Variants in LSAMP observed in about 807,000 individuals in gnomAD.
LSAMP encodes limbic system-associated membrane protein.
Under a neutral mutation model 38.6 loss-of-function variants are expected in LSAMP, and 7 were observed. The observed-to-expected ratio is 0.18, with a 90% confidence interval of 0.10 to 0.34. LSAMP has a LOEUF of 0.34. LSAMP is among the 10% of genes least tolerant of loss of function. LSAMP has a pLI of 1.00. For synonymous variants in LSAMP, 154 were observed against 166.8 expected, an observed-to-expected ratio of 0.92 and a Z score of 0.59; for missense variants, 313 against 420.0, an observed-to-expected ratio of 0.75 and a Z score of 2.23.
intron 1 of LSAMP, among the ~76,000 whole-genome samples, chr3:116,416,225 A>C (rs550400643): frequency 1.2e-4 from 19 of 152,290 alleles, no homozygotes; most frequent in African/African-American, 4.6e-4. Flanking sequence ...AGCCATACTT[A>C]ATTGCTCTCT....
intron 3 of LSAMP, among the ~76,000 whole-genome samples, chr3:115,960,417 T>C (rs1559897634): frequency 6.6e-6 from 1 of 152,294 alleles, no homozygotes; most frequent in East Asian, 1.9e-4. Flanking sequence ...TTAGTTTAAT[T>C]CAGAGAACAG....
chr3:116,012,258 G>C (rs1327101245), intron 3 of LSAMP, among the ~76,000 whole-genome samples: 2 of 152,104 alleles, frequency 1.3e-5, no homozygotes, highest in Non-Finnish European at 2.9e-5. Context: ...TGTAGTATTT[G>C]TTTATTTGCT....
chr3:116,047,479 A>G (rs987251003), intron 2 of LSAMP, among the ~76,000 whole-genome samples: 10 of 151,288 alleles, frequency 6.6e-5, no homozygotes, highest in Admixed American at 5.9e-4. Flanking sequence ...ATTTTTTTCC[A>G]GGTTTGTCTC....
Position 116,444,827 on chromosome 3 carries a change from CACACACACGT to C in LSAMP, c.155+40_155+49del, listed in dbSNP as rs1182900353. 4 of 1,585,576 alleles carry C rather than the reference CACACACACGT, an allele frequency of 2.5e-6. No individual in the cohort carries two copies. In the African/African-American group the frequency reaches 5.6e-5, roughly 22 times the overall value. On this transcript the variant is annotated intron_variant, in intron 1 of 6. Transcript: ENST00000490035. ...ACACACACAAACACACACACACACA[CACACACACGT>C]GTAGACGCGCGCAGCAGAAAAGTTG...
At chr3:116,388,569 T>C (rs1185258413) in intron 1 of LSAMP, among the ~76,000 whole-genome samples, 1 of 152,176 alleles carries the variant, frequency 6.6e-6, no homozygotes, top group African/African-American at 2.4e-5. Flanking sequence ...AAGAGGCAGA[T>C]AGAATACACG....
At chr3:115,823,155 T>C (rs1934300639) in intron 6 of LSAMP, among the ~76,000 whole-genome samples, 1 of 152,218 alleles carries the variant, frequency 6.6e-6, no homozygotes, top group Admixed American at 6.5e-5. Context: ...AAAATATTAA[T>C]GCGCCAACTT....
At chr3:116,269,304 A>C (rs1331483795) in intron 1 of LSAMP, among the ~76,000 whole-genome samples, 17 of 152,094 alleles carry the variant, frequency 1.1e-4, no homozygotes, top group Non-Finnish European at 2.9e-5. Context: ...GCTAATGGCA[A>C]TCTCTCTTAT....
intron 3 of LSAMP, among the ~76,000 whole-genome samples, chr3:115,939,530 C>CCCTTTCTTTCTTTCTTTCTT (rs1553751052): frequency 3.1e-4 from 31 of 99,720 alleles, no homozygotes; most frequent in Non-Finnish European, 1.4e-4. Context: ...TGTTCTCTTT[C>CCCTTTCTTTCTTTCTTTCTT]TCTTTCTTTC....
At chr3:116,061,220 G>A (rs1941588517) in intron 2 of LSAMP, among the ~76,000 whole-genome samples, 1 of 152,160 alleles carries the variant, frequency 6.6e-6, no homozygotes, top group Admixed American at 6.5e-5. Context: ...CATTAGCAGA[G>A]TCAGCATTTG....
chr3:115,961,059 A>G (rs914547836), intron 3 of LSAMP, among the ~76,000 whole-genome samples: 1 of 152,240 alleles, frequency 6.6e-6, no homozygotes, highest in African/African-American at 2.4e-5. Flanking sequence ...GCTTTTCAGC[A>G]GCAGCTTAAC....
At chr3:116,403,504 A>T (rs1422600485) in intron 1 of LSAMP, among the ~76,000 whole-genome samples, 1 of 152,152 alleles carries the variant, frequency 6.6e-6, no homozygotes, top group Non-Finnish European at 1.5e-5. Flanking sequence ...GAAAAAAAAA[A>T]TCCCTTGGTA....
At chr3:116,379,042 A>G (rs926895000) in intron 1 of LSAMP, among the ~76,000 whole-genome samples, 2 of 149,198 alleles carry the variant, frequency 1.3e-5, no homozygotes, top group African/African-American at 5.0e-5. Flanking sequence ...CACGAGTCCT[A>G]CCATGACAAA....
At chr3:116,415,885 G>A (rs563790759) in intron 1 of LSAMP, among the ~76,000 whole-genome samples, 4 of 152,042 alleles carry the variant, frequency 2.6e-5, no homozygotes, top group South Asian at 2.1e-4. Flanking sequence ...GTTAGGGATC[G>A]GGGTGAAAGA....
At chr3:115,895,144 G>C (rs78297213) in intron 3 of LSAMP, among the ~76,000 whole-genome samples, 1 of 152,170 alleles carries the variant, frequency 6.6e-6, no homozygotes, top group East Asian at 1.9e-4. Flanking sequence ...ATAAATGCAG[G>C]CTTTTGTCCT....
intron 3 of LSAMP, among the ~76,000 whole-genome samples, chr3:115,883,685 G>C (rs992182680): frequency 2.0e-5 from 3 of 152,030 alleles, no homozygotes; most frequent in African/African-American, 7.2e-5. Context: ...TAAATCTAGT[G>C]AAGGGGAGTA....
chr3:116,215,184 A>T (rs1009123954), intron 1 of LSAMP, among the ~76,000 whole-genome samples: 2 of 152,190 alleles, frequency 1.3e-5, no homozygotes, highest in African/African-American at 4.8e-5. Context: ...AAACAAACAA[A>T]TAAAGGAATA....
At chr3:116,262,761 A>G (rs2046840130) in intron 1 of LSAMP, among the ~76,000 whole-genome samples, 1 of 152,216 alleles carries the variant, frequency 6.6e-6, no homozygotes, top group Non-Finnish European at 1.5e-5. Flanking sequence ...AGGGGATATC[A>G]TGTGCTTGAA....
chr3:116,140,866 A>G (rs913827302), intron 1 of LSAMP, among the ~76,000 whole-genome samples: 1 of 151,980 alleles, frequency 6.6e-6, no homozygotes, highest in African/African-American at 2.4e-5. Context: ...ACCCAAAGGA[A>G]ATTCAGGTTT....
intron 1 of LSAMP, among the ~76,000 whole-genome samples, chr3:116,376,233 G>A (rs1022654501): frequency 2.0e-5 from 3 of 151,970 alleles, no homozygotes; most frequent in African/African-American, 7.2e-5. Flanking sequence ...CAGCTACTGG[G>A]TCCATTAATT....
Sources: gnomAD v4.1 joint callset for allele counts (sites outside exome capture counted in the v4.1 genomes callset) on GRCh38, gnomAD v4.1.1 for gene constraint, MANE v1.5 for transcripts, NCBI Gene and HGNC (gene_info 2026-07-23, HGNC 2026-07-21) for gene names.